Variants in STIM2 observed in about 807,000 individuals in gnomAD.
STIM2 encodes the protein stromal interaction molecule 2.
Under a neutral mutation model 85.8 loss-of-function variants are expected in STIM2, and 31 were observed. The observed-to-expected ratio is 0.36, with a 90% CI of 0.27 to 0.49. The LOEUF is 0.49. Among genes scored for constraint, STIM2 ranks in the 20% least tolerant of loss-of-function variants. The pLI is 0.98. For missense variants in STIM2, 841 were observed against 927.6 expected, an observed-to-expected ratio of 0.91 and a Z score of 1.21; for synonymous variants, 356 against 331.1, an observed-to-expected ratio of 1.08 and a Z score of -0.82.
At chr4:26,871,973 A>C (rs748412669) in intron 1 of STIM2, among the ~76,000 whole-genome samples, 7 of 152,174 alleles carry the variant, frequency 4.6e-5, no homozygotes, top group Non-Finnish European at 8.8e-5. Flanking sequence ...TAGTGCCTAA[A>C]TTTCCTTATC....
intron 1 of STIM2, among the ~76,000 whole-genome samples, chr4:26,909,323 G>T (rs1724246048): frequency 6.6e-6 from 1 of 152,156 alleles, no homozygotes; most frequent in Non-Finnish European, 1.5e-5. Flanking sequence ...CAATAACCTT[G>T]CAAGGGTGCT....
At chr4:26,937,971 C>T (rs937160724) in intron 2 of STIM2, among the ~76,000 whole-genome samples, 2 of 151,748 alleles carry the variant, frequency 1.3e-5, no homozygotes, top group African/African-American at 4.8e-5. Flanking sequence ...TTCTTTTTTG[C>T]AGATAAGTGA....
At chr4:26,974,733 A>G (rs1727114371) in intron 3 of STIM2, among the ~76,000 whole-genome samples, 1 of 152,016 alleles carries the variant, frequency 6.6e-6, no homozygotes, top group South Asian at 2.1e-4. Context: ...GCTCTTCTCA[A>G]GGAGTATCTT....
intron 2 of STIM2, among the ~76,000 whole-genome samples, chr4:26,956,466 C>T (rs1342714583): frequency 7.0e-6 from 1 of 141,964 alleles, no homozygotes; most frequent in Non-Finnish European, 1.5e-5. Context: ...TTTTAAGAGA[C>T]AGGTTCTTGC....
intron 1 of STIM2, among the ~76,000 whole-genome samples, chr4:26,906,042 AT>A (rs1479765288): frequency 6.6e-6 from 1 of 152,144 alleles, no homozygotes; most frequent in Non-Finnish European, 1.5e-5. Flanking sequence ...TTATGAAGTT[AT>A]TTTTTGATCA....
At chr4:26,979,609 A>G (rs1230827285) in intron 3 of STIM2, among the ~76,000 whole-genome samples, 1 of 152,216 alleles carries the variant, frequency 6.6e-6, no homozygotes, top group African/African-American at 2.4e-5. Flanking sequence ...TAGAGGGTAT[A>G]TTTAAGTGAG....
chr4:27,008,357 T>C (rs995306254), intron 8 of STIM2, 71 bp from the exon 9 acceptor site: 1 of 879,394 alleles, frequency 1.1e-6, no homozygotes. Context: ...ACAAACTTTA[T>C]TATGTTATAT....
intron 2 of STIM2, among the ~76,000 whole-genome samples, chr4:26,948,319 A>G (rs1725921131): frequency 6.6e-6 from 1 of 152,198 alleles, no homozygotes; most frequent in African/African-American, 2.4e-5. Context: ...AATAGTTCTG[A>G]CATGGTCATA....
At chr4:26,935,396 A>G (rs1725357698) in intron 2 of STIM2, among the ~76,000 whole-genome samples, 1 of 152,228 alleles carries the variant, frequency 6.6e-6, no homozygotes, top group Admixed American at 6.5e-5. Context: ...TAGAAGCAAG[A>G]TATTAAATAG....
intron 3 of STIM2, among the ~76,000 whole-genome samples, chr4:26,992,862 G>A (rs1277759390): frequency 6.6e-6 from 1 of 152,174 alleles, no homozygotes; most frequent in East Asian, 1.9e-4. Flanking sequence ...AAAATAAATG[G>A]TTCTGTTAGA....
In STIM2 at chr4:26,861,059, G is replaced by C; in HGVS notation, c.-160G>C. On this transcript the variant is annotated 5_prime_UTR_variant, in exon 1 of 12. Coordinates refer to ENST00000467087, the MANE Select transcript of STIM2 (RefSeq NM_020860.4). ...GTCTGAGGCGGCGGGGGCGGCCGGA[G>C]GAGTCGCCGGCGGCGGTGGTGGCGC... The C allele has an allele frequency of 8.4e-7, 1 of 1,186,598 alleles. No homozygotes were observed. Among genetic ancestry groups the C allele is most frequent in the Non-Finnish European group, 1.0e-6 (1 of 961,252 alleles). The allele number at this position is 1,186,598 out of a possible 1,614,324, so 73.5% of individuals were successfully genotyped here.
At chr4:26,865,653 C>A (rs1004398719) in intron 1 of STIM2, among the ~76,000 whole-genome samples, 6 of 152,094 alleles carry the variant, frequency 3.9e-5, no homozygotes, top group South Asian at 2.1e-4. Flanking sequence ...TAAGCTAATA[C>A]TAAAACTAAC....
intron 1 of STIM2, among the ~76,000 whole-genome samples, chr4:26,871,722 T>C (rs77620616): frequency 6.7e-6 from 1 of 149,292 alleles, no homozygotes; most frequent in Non-Finnish European, 1.5e-5. Context: ...TTTTTTTTTT[T>C]GGTAGAGACA....
At chr4:26,875,800 G>T (rs1488284666) in intron 1 of STIM2, among the ~76,000 whole-genome samples, 1 of 152,048 alleles carries the variant, frequency 6.6e-6, no homozygotes, top group Non-Finnish European at 1.5e-5. Context: ...GGAAAAATAG[G>T]CTTTAGAGAT....
chr4:27,008,089 T>C, intron 8 of STIM2: 6 of 688,930 alleles, frequency 8.7e-6, no homozygotes, highest in Non-Finnish European at 1.6e-5. Flanking sequence ...AGCCAAAAAA[T>C]TTAAAAGCTT....
intron 1 of STIM2, among the ~76,000 whole-genome samples, chr4:26,915,919 G>A (rs1724561675): frequency 6.6e-6 from 1 of 152,180 alleles, no homozygotes; most frequent in Non-Finnish European, 1.5e-5. Context: ...AGTGAATTCT[G>A]TTTAGATGAG....
intron 1 of STIM2, among the ~76,000 whole-genome samples, chr4:26,899,528 C>T (rs988926039): frequency 1.3e-5 from 2 of 152,066 alleles, no homozygotes; most frequent in African/African-American, 4.8e-5. Flanking sequence ...ATGAAACAAT[C>T]AAGGTTTAGA....
At chr4:26,993,451 T>C (rs1186653120) in intron 3 of STIM2, among the ~76,000 whole-genome samples, 1 of 152,176 alleles carries the variant, frequency 6.6e-6, no homozygotes, top group African/African-American at 2.4e-5. Context: ...GCTTTTTCTC[T>C]AAAGAACACT....
intron 2 of STIM2, 127 bp from the exon 3 acceptor site, chr4:26,957,485 A>G (rs1262045232): frequency 1.8e-5 from 9 of 498,736 alleles, no homozygotes; most frequent in Non-Finnish European, 2.8e-5. Flanking sequence ...TGTGACTACA[A>G]TACCAAAAAT....
Sources: gnomAD v4.1 joint callset for allele counts (sites outside exome capture counted in the v4.1 genomes callset) on GRCh38, gnomAD v4.1.1 for gene constraint, MANE v1.5 for transcripts, NCBI Gene and HGNC (gene_info 2026-07-23, HGNC 2026-07-21) for gene names.